SEL1L2: variants seen among roughly 807,000 people sequenced by gnomAD.
The protein encoded by SEL1L2 is protein sel-1 homolog 2.
Under a neutral mutation model 98.8 loss-of-function variants are expected in SEL1L2, and 89 were observed. The ratio of observed to expected loss-of-function variants is 0.90; its 90% CI spans 0.76 to 1.07. The LOEUF is 1.07. SEL1L2 is among the 50% of genes least tolerant of loss of function. SEL1L2 has a pLI of 0.00. For synonymous variants in SEL1L2, 262 were observed against 278.5 expected (o/e 0.94, Z 0.59); for missense variants, 788 against 812.0 (o/e 0.97, Z 0.36).
intron 1 of SEL1L2, among the ~76,000 whole-genome samples, chr20:13,964,757 T>C (rs995772510): frequency 1.3e-5 from 2 of 152,036 alleles, no homozygotes; most frequent in African/African-American, 2.4e-5. Context: ...TCTTTTTTTT[T>C]CCTACTTTAC....
At chr20:13,920,108 G>A (rs2048587410) in intron 3 of SEL1L2, among the ~76,000 whole-genome samples, 1 of 150,484 alleles carries the variant, frequency 6.6e-6, no homozygotes, top group Non-Finnish European at 1.5e-5. Context: ...TGCAGATGTA[G>A]TCCCAGTTAC....
At chr20:13,955,745 G>A (rs2050507533) in intron 2 of SEL1L2, among the ~76,000 whole-genome samples, 1 of 152,164 alleles carries the variant, frequency 6.6e-6, no homozygotes, top group Admixed American at 6.5e-5. Flanking sequence ...TTATAAGCCA[G>A]GTGGGTCTCT....
At chr20:13,883,373 A>G (rs1169141518) in intron 10 of SEL1L2, among the ~76,000 whole-genome samples, 1 of 152,162 alleles carries the variant, frequency 6.6e-6, no homozygotes, top group Non-Finnish European at 1.5e-5. Context: ...GAGGGAACAG[A>G]TTTTAGAGGC....
chr20:13,891,325 A>C (rs2148021323), intron 5 of SEL1L2, among the ~76,000 whole-genome samples: 1 of 152,312 alleles, frequency 6.6e-6, no homozygotes, highest in Middle Eastern at 3.4e-3. Flanking sequence ...CTCAGCAGAA[A>C]CATTACAGAC....
intron 1 of SEL1L2, among the ~76,000 whole-genome samples, chr20:13,956,504 T>G (rs2050549813): frequency 6.6e-6 from 1 of 152,122 alleles, no homozygotes; most frequent in Non-Finnish European, 1.5e-5. Flanking sequence ...TAGAAGCTAT[T>G]AAAACATAGA....
intron 5 of SEL1L2, 109 bp downstream of exon 5, chr20:13,913,673 T>G: frequency 9.8e-7 from 1 of 1,024,892 alleles, no homozygotes; most frequent in Non-Finnish European, 1.3e-6. Flanking sequence ...CTCCCTAGAC[T>G]GGGTTCATGC....
At chr20:13,957,651 C>T (rs113938304) in intron 1 of SEL1L2, among the ~76,000 whole-genome samples, 10 of 152,046 alleles carry the variant, frequency 6.6e-5, no homozygotes, top group Admixed American at 2.0e-4. Flanking sequence ...ACAAGGTGGC[C>T]GGCTCCCTTG....
intron 3 of SEL1L2, among the ~76,000 whole-genome samples, chr20:13,922,702 C>G (rs2048716995): frequency 6.6e-6 from 1 of 152,144 alleles, no homozygotes; most frequent in South Asian, 2.1e-4. Flanking sequence ...ACCTCGCTCA[C>G]TTGTTAATTT....
intron 5 of SEL1L2, among the ~76,000 whole-genome samples, chr20:13,892,449 CAA>C (rs11477736): frequency 0.022 from 3,087 of 143,396 alleles, 47 homozygotes; most frequent in Non-Finnish European, 0.032. Flanking sequence ...GACTCCATCT[CAA>C]AAAAAAAAAA....
rs373041729 is a variant in SEL1L2, at chr20:13,987,066, C to T, written c.58+3411G>A. Among the ~76,000 whole-genome samples, 614 of 152,126 alleles carry T rather than the reference C, an allele frequency of 4.0e-3. 1 individual carries two copies. The highest frequency in any genetic ancestry group is 9.9e-3 in the East Asian group (51 of 5,162). On this transcript the variant is annotated intron_variant, in intron 1 of 19. Transcript: ENST00000284951. ...CAGGATGGTCTCCATCTCTTGACCT[C>T]GTGATCTGCCCACCTCAGCCCCCCA...
In SEL1L2 at chr20:13,931,497, A is replaced by T. The variant is rs189803987; in HGVS notation, c.283+106T>A. On this transcript the variant is annotated intron_variant, in intron 3 of 19. Coordinates refer to ENST00000284951, the MANE Select transcript of SEL1L2 (RefSeq NM_025229.2). ...GAATTTAATGCTTTTGTGTGTATAA[A>T]TATTTATGACTATATCCTAAGACTT... is the stretch of plus-strand genomic sequence containing the variant. 3 of 624,136 alleles carry T rather than the reference A, an allele frequency of 4.8e-6. No homozygotes were observed. In the East Asian group the frequency reaches 1.1e-4, roughly 23 times the overall value. The allele number at this position is 624,136 out of a possible 1,614,324, so 38.7% of individuals were successfully genotyped here.
At chr20:13,983,870 C>T (rs2052003608) in intron 1 of SEL1L2, among the ~76,000 whole-genome samples, 1 of 151,918 alleles carries the variant, frequency 6.6e-6, no homozygotes, top group Admixed American at 6.6e-5. Context: ...AACTCCTTCC[C>T]TGGTTCTCTA....
intron 5 of SEL1L2, among the ~76,000 whole-genome samples, chr20:13,889,745 C>G (rs1413696957): frequency 6.6e-6 from 1 of 152,040 alleles, no homozygotes; most frequent in African/African-American, 2.4e-5. Context: ...GCACCAAGAT[C>G]GCGCCACTGC....
At chr20:13,938,346 T>G (rs946797625) in intron 2 of SEL1L2, among the ~76,000 whole-genome samples, 1 of 152,164 alleles carries the variant, frequency 6.6e-6, no homozygotes, top group African/African-American at 2.4e-5. Flanking sequence ...CCCAAAGTGC[T>G]GGGATTACAG....
At position 13,890,466 on chromosome 20, in the gene SEL1L2, A is replaced by G. The variant is rs536370562; in HGVS notation, c.550-1954T>C. On this transcript the variant is annotated intron_variant, in intron 5 of 19. Coordinates refer to ENST00000284951, the MANE Select transcript of SEL1L2 (RefSeq NM_025229.2). ...AAGCCCAGAGAAGATGCATCCCCAGAAAAGGTTCAAGAAGCTCTCAGAATT... is the reference window on the plus strand; with the variant it reads ...AAGCCCAGAGAAGATGCATCCCCAGGAAAGGTTCAAGAAGCTCTCAGAATT... 2.6e-5 allele frequency among the ~76,000 whole-genome samples: 4 copies of G among 152,326 alleles called. No homozygotes were observed. In the East Asian group the frequency reaches 7.7e-4, roughly 29 times the overall value.
At chr20:13,939,578 G>A (rs2049646798) in intron 2 of SEL1L2, among the ~76,000 whole-genome samples, 1 of 151,806 alleles carries the variant, frequency 6.6e-6, no homozygotes, top group East Asian at 1.9e-4. Context: ...CATGACTGAT[G>A]CTAATGGGAC....
At chr20:13,950,504 G>A (rs2050212659) in intron 2 of SEL1L2, among the ~76,000 whole-genome samples, 1 of 152,122 alleles carries the variant, frequency 6.6e-6, no homozygotes, top group Admixed American at 6.5e-5. Context: ...TCGATTTGAG[G>A]TCCTGGTGGG....
rs553715059 is a variant in SEL1L2 at position 13,929,722 on chromosome 20, G to T, written c.283+1881C>A. Among the ~76,000 whole-genome samples the T allele has an allele frequency of 2.6e-4, 39 of 151,368 alleles. No homozygotes were observed. In the East Asian group the frequency reaches 6.3e-3, roughly 24 times the overall value. ...TCACCGTGGTAGCCAGGATGGTCTC[G>T]ATCTCCTGACCTCGTGATCCTCCCG... On this transcript the variant is annotated intron_variant, in intron 3 of 19. Transcript: ENST00000284951.
rs1187532057 is a variant in SEL1L2, at chr20:13,885,341, A to T, written c.957+6T>A. On this transcript the variant is annotated splice_donor_region_variant and intron_variant, in intron 10 of 19. Coordinates refer to ENST00000284951, the MANE Select transcript of SEL1L2 (RefSeq NM_025229.2). ...CCCATTTGACTGGATCTTGAGATTG[A>T]CTTACGTAGTAATCCTGATCTAGAC... 6.3e-7 allele frequency: 1 copy of T among 1,578,988 alleles called. No individual in the cohort carries two copies. Among genetic ancestry groups the T allele is most frequent in the East Asian group, 2.2e-5 (1 of 44,720 alleles).
Sources: gnomAD v4.1 joint callset for allele counts (sites outside exome capture counted in the v4.1 genomes callset) on GRCh38, gnomAD v4.1.1 for gene constraint, MANE v1.5 for transcripts, NCBI Gene and HGNC (gene_info 2026-07-23, HGNC 2026-07-21) for gene names.